LRRC4C: variants seen among roughly 807,000 people sequenced by gnomAD.
LRRC4C encodes the protein leucine-rich repeat-containing protein 4C.
In LRRC4C, 5 loss-of-function variants were observed where a neutral mutation model predicts 33.6. That is an observed-to-expected ratio of 0.15 (90% confidence interval 0.08 to 0.31). The LOEUF (loss-of-function observed/expected upper bound fraction) is 0.31, where lower values mean the gene tolerates loss of function less well. LRRC4C is among the 10% of genes least tolerant of loss of function. LRRC4C has a pLI of 1.00. For missense variants in LRRC4C, 560 were observed against 796.7 expected, an observed-to-expected ratio of 0.70 and a Z score of 3.58; for synonymous variants, 329 against 302.0, an observed-to-expected ratio of 1.09 and a Z score of -0.93.
At chr11:40,118,251 A>C (rs1565008239) in intron 6 of LRRC4C, among the ~76,000 whole-genome samples, 3 of 149,162 alleles carry the variant, frequency 2.0e-5, no homozygotes, top group African/African-American at 7.3e-5. Flanking sequence ...TTAACAATAA[A>C]TTAATATAAA....
intron 1 of LRRC4C, among the ~76,000 whole-genome samples, chr11:41,077,065 G>T (rs1445540055): frequency 6.6e-6 from 1 of 152,216 alleles, no homozygotes; most frequent in Admixed American, 6.5e-5. Context: ...GTTATGCAAG[G>T]GGTGGGCTCA....
intron 1 of LRRC4C, among the ~76,000 whole-genome samples, chr11:41,224,320 G>A (rs912708621): frequency 3.3e-5 from 5 of 151,988 alleles, no homozygotes; most frequent in South Asian, 4.2e-4. Context: ...CTTATTTTAC[G>A]GGACTAATGC....
intron 4 of LRRC4C, among the ~76,000 whole-genome samples, chr11:40,291,899 G>T (rs2136575069): frequency 6.6e-6 from 1 of 151,252 alleles, no homozygotes; most frequent in East Asian, 1.9e-4. Context: ...CACAGCACTG[G>T]CACCCGACAC....
intron 4 of LRRC4C, among the ~76,000 whole-genome samples, chr11:40,277,562 A>G (rs971025936): frequency 2.0e-5 from 3 of 151,956 alleles, no homozygotes; most frequent in Non-Finnish European, 4.4e-5. Flanking sequence ...CTAGTATCAA[A>G]TTATTATTAT....
At chr11:40,959,529 A>G (rs573822263) in intron 1 of LRRC4C, among the ~76,000 whole-genome samples, 2 of 151,898 alleles carry the variant, frequency 1.3e-5, no homozygotes, top group East Asian at 3.9e-4. Flanking sequence ...AACCATCAAT[A>G]TATTAATTTT....
intron 1 of LRRC4C, among the ~76,000 whole-genome samples, chr11:41,238,181 C>T (rs983171175): frequency 1.3e-5 from 2 of 152,108 alleles, no homozygotes; most frequent in Non-Finnish European, 2.9e-5. Context: ...GATCTTTTCT[C>T]CATTATTTAC....
intron 1 of LRRC4C, among the ~76,000 whole-genome samples, chr11:41,416,938 TTC>T (rs1223717897): frequency 6.6e-6 from 1 of 151,974 alleles, no homozygotes; most frequent in East Asian, 1.9e-4. Flanking sequence ...ACTAAAGAGT[TTC>T]CCAGTAGCAC....
intron 1 of LRRC4C, among the ~76,000 whole-genome samples, chr11:41,073,007 T>C (rs1354010788): frequency 6.6e-6 from 1 of 152,220 alleles, no homozygotes; most frequent in African/African-American, 2.4e-5. Context: ...TTATGTTTTG[T>C]TCCTATAAAC....
chr11:40,703,105 C>A (rs1203917409), intron 2 of LRRC4C, among the ~76,000 whole-genome samples: 5 of 151,896 alleles, frequency 3.3e-5, no homozygotes, highest in African/African-American at 7.3e-5. Flanking sequence ...CCTCAGGGGG[C>A]ATTAGGCAGT....
intron 3 of LRRC4C, among the ~76,000 whole-genome samples, chr11:40,339,778 A>G (rs1372242878): frequency 6.6e-6 from 1 of 152,188 alleles, no homozygotes; most frequent in African/African-American, 2.4e-5. Flanking sequence ...AGTTGAAAAG[A>G]CCTTATCAAT....
At chr11:40,137,762 G>A (rs896529315) in intron 6 of LRRC4C, among the ~76,000 whole-genome samples, 1 of 152,148 alleles carries the variant, frequency 6.6e-6, no homozygotes, top group Non-Finnish European at 1.5e-5. Context: ...TAAAATGTGT[G>A]TGGTAGCATC....
chr11:40,355,404 A>G (rs2137117917), intron 3 of LRRC4C, among the ~76,000 whole-genome samples: 1 of 152,268 alleles, frequency 6.6e-6, no homozygotes, highest in Non-Finnish European at 1.5e-5. Context: ...CCCAGGAATT[A>G]TAACCCTTGT....
At chr11:40,912,457 C>T (rs1270311995) in intron 2 of LRRC4C, among the ~76,000 whole-genome samples, 1 of 151,864 alleles carries the variant, frequency 6.6e-6, no homozygotes, top group Non-Finnish European at 1.5e-5. Context: ...AGCTTCATAA[C>T]TGAAGGAGAA....
At position 40,740,075 on chromosome 11, in the gene LRRC4C, C is replaced by T. The variant is rs574732214; in HGVS notation, c.-406-91797G>A. 2.6e-4 allele frequency among the ~76,000 whole-genome samples: 39 copies of T among 151,896 alleles called. 1 individual carries two copies. The South Asian group carries it at 7.3e-3, about 28-fold the overall frequency. ...CTATCCATTTAACTGTTGCTGAACA[C>T]TTGGGTTGATTCCATATCTTGGCTA... On this transcript the variant is annotated intron_variant, in intron 2 of 6. Transcript: ENST00000528697.
chr11:40,825,592 C>G (rs1952127514), intron 2 of LRRC4C, among the ~76,000 whole-genome samples: 1 of 151,986 alleles, frequency 6.6e-6, no homozygotes, highest in Non-Finnish European at 1.5e-5. Context: ...AATGTGTAAT[C>G]AACCTAAAGT....
At chr11:41,012,571 C>T (rs1444221504) in intron 1 of LRRC4C, among the ~76,000 whole-genome samples, 1 of 152,084 alleles carries the variant, frequency 6.6e-6, no homozygotes, top group African/African-American at 2.4e-5. Context: ...CCTTCAGTAT[C>T]TATATTTCCT....
chr11:40,596,813 G>T (rs1294374332), intron 3 of LRRC4C, among the ~76,000 whole-genome samples: 1 of 152,084 alleles, frequency 6.6e-6, no homozygotes, highest in Non-Finnish European at 1.5e-5. Context: ...TTGCAGAGAT[G>T]TCTGCATTCC....
chr11:40,707,854 G>A lies in LRRC4C; in HGVS notation c.-406-59576C>T, dbSNP rs566089322. On this transcript the variant is annotated intron_variant, in intron 2 of 6. Coordinates refer to ENST00000528697, the MANE Select transcript of LRRC4C (RefSeq NM_001258419.2). ...CCATCTGGTCCTGGACTTTTTTTTG[G>A]TTGGTAACCTATTAATTATTGCCTC... is the stretch of plus-strand genomic sequence containing the variant. Among the ~76,000 whole-genome samples, 15 of 152,032 alleles carry A rather than the reference G, an allele frequency of 9.9e-5. No homozygotes were observed. The South Asian group carries it at 3.1e-3, about 32-fold the overall frequency.
At chr11:40,438,280 T>A (rs1162774043) in intron 3 of LRRC4C, among the ~76,000 whole-genome samples, 1 of 152,206 alleles carries the variant, frequency 6.6e-6, no homozygotes, top group Non-Finnish European at 1.5e-5. Context: ...TCACTTCACC[T>A]TTTCAGTAAG....
Sources: gnomAD v4.1 joint callset for allele counts (sites outside exome capture counted in the v4.1 genomes callset) on GRCh38, gnomAD v4.1.1 for gene constraint, MANE v1.5 for transcripts, NCBI Gene and HGNC (gene_info 2026-07-23, HGNC 2026-07-21) for gene names.